Variants in GRID2 observed in about 807,000 individuals in gnomAD.
GRID2 encodes glutamate receptor ionotropic, delta-2.
Under a neutral mutation model 114.8 loss-of-function variants are expected in GRID2, and 33 were observed. The ratio of observed to expected loss-of-function variants is 0.29; its 90% CI spans 0.22 to 0.38. GRID2 has a LOEUF of 0.38. Among genes scored for constraint, GRID2 ranks in the 10% least tolerant of loss-of-function variants. GRID2 has a pLI of 1.00. For synonymous variants in GRID2, 505 were observed against 449.9 expected (o/e 1.12, Z -1.55); for missense variants, 1,184 against 1,257.7 (o/e 0.94, Z 0.89).
intron 9 of GRID2, among the ~76,000 whole-genome samples, chr4:93,412,022 T>C (rs1455539311): frequency 2.6e-5 from 4 of 151,704 alleles, no homozygotes; most frequent in Admixed American, 1.3e-4. Context: ...AAAAATGACC[T>C]ATAGTCCAAC....
intron 13 of GRID2, among the ~76,000 whole-genome samples, chr4:93,541,451 A>G (rs1450408452): frequency 6.6e-6 from 1 of 152,168 alleles, no homozygotes; most frequent in Non-Finnish European, 1.5e-5. Flanking sequence ...TCTTCTCTTC[A>G]AATGCAAGCT....
intron 2 of GRID2, among the ~76,000 whole-genome samples, chr4:92,842,241 C>G (rs757144580): frequency 3.3e-5 from 5 of 152,184 alleles, no homozygotes; most frequent in Non-Finnish European, 7.4e-5. Context: ...ATTTGTTTTA[C>G]TTGAAAGGAC....
intron 2 of GRID2, among the ~76,000 whole-genome samples, chr4:92,908,849 T>G (rs1274507562): frequency 6.6e-6 from 1 of 152,182 alleles, no homozygotes; most frequent in African/African-American, 2.4e-5. Context: ...ACCTGCACTT[T>G]CCCTTCAATT....
rs780659282 is a variant in GRID2, at chr4:92,759,377, A to AT, written c.244+169100dup. On this transcript the variant is annotated intron_variant, in intron 2 of 15. Transcript: ENST00000282020. ...TTTATATTGACTCACATACTTTCTA[A>AT]TTTTTTTTTACTTTATCTCCCCATG... 8.1e-4 allele frequency among the ~76,000 whole-genome samples: 122 copies of AT among 151,286 alleles called. 1 individual carries two copies. Among genetic ancestry groups the AT allele is most frequent in the Admixed American group, 1.2e-3 (18 of 15,184 alleles).
chr4:93,153,664 G>C (rs1736920739), intron 4 of GRID2, among the ~76,000 whole-genome samples: 1 of 152,066 alleles, frequency 6.6e-6, no homozygotes, highest in East Asian at 1.9e-4. Flanking sequence ...GAAGGTGGTA[G>C]TGTCCCAGTT....
Position 93,221,998 on chromosome 4 carries a change from G to A in GRID2, c.964-2616G>A, listed in dbSNP as rs117506019. ...TAGAACCCAGGTTACCAGATTTTTC[G>A]TGTCTCAACGTCTGCCAAACACACC... On this transcript the variant is annotated intron_variant, in intron 6 of 15. Coordinates refer to ENST00000282020, the MANE Select transcript of GRID2 (RefSeq NM_001510.4). Among the ~76,000 whole-genome samples the A allele has an allele frequency of 2.1e-4, 32 of 152,264 alleles. No individual in the cohort carries two copies. The East Asian group carries it at 4.0e-3, about 19-fold the overall frequency.
chr4:93,801,728 G>A (rs976115135), intron 1 of GRID2, among the ~76,000 whole-genome samples: 1 of 152,098 alleles, frequency 6.6e-6, no homozygotes, highest in African/African-American at 2.4e-5. Context: ...AAATAAAATA[G>A]CTAAACACCA....
At chr4:92,576,368 C>G (rs564855204) in intron 1 of GRID2, among the ~76,000 whole-genome samples, 1 of 152,216 alleles carries the variant, frequency 6.6e-6, no homozygotes, top group Non-Finnish European at 1.5e-5. Flanking sequence ...GTCCCTCCCC[C>G]AGAGGGCTCC....
chr4:92,732,833 A>G (rs1379323499), intron 2 of GRID2, among the ~76,000 whole-genome samples: 1 of 151,998 alleles, frequency 6.6e-6, no homozygotes, highest in Non-Finnish European at 1.5e-5. Context: ...TTAAGCCTTT[A>G]TTTTGGAGTT....
chr4:92,512,822 C>T (rs557346385), intron 1 of GRID2, among the ~76,000 whole-genome samples: 5 of 151,812 alleles, frequency 3.3e-5, no homozygotes, highest in East Asian at 3.9e-4. Flanking sequence ...ACCCTGAGAA[C>T]GTAATTATAT....
intron 2 of GRID2, among the ~76,000 whole-genome samples, chr4:92,687,170 C>T (rs546850571): frequency 6.2e-5 from 9 of 145,330 alleles, no homozygotes; most frequent in East Asian, 4.1e-4. Context: ...TCACAAGATA[C>T]GGATTTTTTT....
chr4:92,900,332 C>T (rs755286149), intron 2 of GRID2, among the ~76,000 whole-genome samples: 18 of 152,072 alleles, frequency 1.2e-4, no homozygotes, highest in Non-Finnish European at 2.1e-4. Flanking sequence ...TGTGTCACAG[C>T]GGAATCTAGG....
chr4:93,253,560 A>G (rs974612789), intron 8 of GRID2, among the ~76,000 whole-genome samples: 4 of 152,156 alleles, frequency 2.6e-5, no homozygotes, highest in Non-Finnish European at 5.9e-5. Context: ...TCCTAATCCA[A>G]AATTAGTAAC....
intron 14 of GRID2, among the ~76,000 whole-genome samples, chr4:93,764,373 T>A (rs1420149902): frequency 6.6e-6 from 1 of 152,200 alleles, no homozygotes; most frequent in Non-Finnish European, 1.5e-5. Context: ...GAGATGTCCG[T>A]GTCAGTGAAT....
chr4:93,251,130 G>A (rs1367317913), intron 8 of GRID2, among the ~76,000 whole-genome samples: 1 of 152,076 alleles, frequency 6.6e-6, no homozygotes, highest in Non-Finnish European at 1.5e-5. Flanking sequence ...TTCTAGCTAT[G>A]GAAAATGAAT....
intron 1 of GRID2, among the ~76,000 whole-genome samples, chr4:92,381,584 A>G (rs1261989254): frequency 2.6e-5 from 4 of 151,956 alleles, no homozygotes; most frequent in African/African-American, 9.7e-5. Flanking sequence ...TTCCATCTCC[A>G]CATCAGTTAA....
intron 1 of GRID2, among the ~76,000 whole-genome samples, chr4:92,538,564 G>C (rs1312238759): frequency 6.6e-6 from 1 of 152,108 alleles, no homozygotes; most frequent in East Asian, 1.9e-4. Context: ...CAGCAAACTT[G>C]TCTAACAAAG....
chr4:92,377,032 T>C (rs1371757761), intron 1 of GRID2, among the ~76,000 whole-genome samples: 2 of 152,190 alleles, frequency 1.3e-5, no homozygotes, highest in Non-Finnish European at 2.9e-5. Flanking sequence ...GATTAACATT[T>C]GGCTGTTTGT....
intron 8 of GRID2, among the ~76,000 whole-genome samples, chr4:93,251,698 G>T (rs182892503): frequency 1.3e-5 from 2 of 151,854 alleles, no homozygotes; most frequent in Non-Finnish European, 2.9e-5. Flanking sequence ...AGTATGTGTC[G>T]TTCCCCTCTA....
Sources: allele counts gnomAD v4.1 joint callset (sites outside exome capture counted in the v4.1 genomes callset), GRCh38; gene constraint gnomAD v4.1.1; transcripts MANE v1.5; gene names NCBI Gene and HGNC (gene_info 2026-07-23, HGNC 2026-07-21).